TAFA2: variants seen among roughly 807,000 people sequenced by gnomAD.
TAFA2 encodes the protein TAFA chemokine like family member 2, also known as chemokine-like protein TAFA-2.
Under a neutral mutation model 18.8 loss-of-function variants are expected in TAFA2, and 7 were observed. That is an observed-to-expected ratio of 0.37 (90% confidence interval 0.21 to 0.70). TAFA2 has a LOEUF of 0.70. TAFA2 is among the 30% of genes least tolerant of loss of function. TAFA2 has a pLI of 0.53. For synonymous variants in TAFA2, 60 were observed against 54.2 expected (o/e 1.11, Z -0.47); for missense variants, 122 against 158.1 (o/e 0.77, Z 1.23).
chr12:62,027,167 T>C (rs1390165936), intron 1 of TAFA2, among the ~76,000 whole-genome samples: 1 of 152,178 alleles, frequency 6.6e-6, no homozygotes, highest in Non-Finnish European at 1.5e-5. Flanking sequence ...ATTTAAAATA[T>C]GTAAATGAAA....
chr12:61,844,528 T>C (rs1328098259), intron 2 of TAFA2, among the ~76,000 whole-genome samples: 2 of 152,134 alleles, frequency 1.3e-5, no homozygotes, highest in East Asian at 1.9e-4. Context: ...GTCTTAGTTA[T>C]TTAGGCTAAA....
rs566037239 is a variant in TAFA2 at position 61,812,803 on chromosome 12, C to T, written c.106+54517G>A. Among the ~76,000 whole-genome samples the T allele has an allele frequency of 1.5e-3, 229 of 151,288 alleles. 12 individuals are homozygous for T. Among genetic ancestry groups the T allele is most frequent in the African/African-American group, 5.0e-3 (205 of 40,652 alleles). ...CAGGCTGGTCTTGAACTGCTGACCT[C>T]AGGTGATCCACCCACCTCAGCCTCT... On this transcript the variant is annotated intron_variant, in intron 2 of 4. Coordinates refer to ENST00000416284, the MANE Select transcript of TAFA2 (RefSeq NM_178539.5).
At chr12:62,017,936 AG>A (rs1880994485) in intron 1 of TAFA2, among the ~76,000 whole-genome samples, 1 of 152,188 alleles carries the variant, frequency 6.6e-6, no homozygotes, top group Non-Finnish European at 1.5e-5. Flanking sequence ...ATAATGGGAA[AG>A]CTTCTTATTC....
intron 1 of TAFA2, among the ~76,000 whole-genome samples, chr12:61,891,273 G>GGCAGCAGAAGCAGGAGAAGCAGAA (rs1875621528): frequency 2.6e-5 from 4 of 152,138 alleles, no homozygotes; most frequent in African/African-American, 4.8e-5. Context: ...CAGAAGCAGA[G>GGCAGCAGAAGCAGGAGAAGCAGAA]GCAGCAGAAG....
chr12:62,193,853 T>C (rs927256800), upstream of TAFA2, among the ~76,000 whole-genome samples: 1 of 152,224 alleles, frequency 6.6e-6, no homozygotes, highest in African/African-American at 2.4e-5. Context: ...CAGTTCTATT[T>C]TAACTTGATA....
At chr12:61,949,917 A>G (rs1318744832) in intron 1 of TAFA2, among the ~76,000 whole-genome samples, 1 of 152,098 alleles carries the variant, frequency 6.6e-6, no homozygotes, top group Non-Finnish European at 1.5e-5. Flanking sequence ...AATCAACAAC[A>G]CCATTTTCCC....
chr12:61,803,508 A>G lies in TAFA2; in HGVS notation c.107-48484T>C, dbSNP rs568600107. ...ACTAAACAAGAAGTTTCTATGATTA[A>G]GAGCAATATACTACAACAATAATTG... On this transcript the variant is annotated intron_variant, in intron 2 of 4. Coordinates refer to ENST00000416284, the MANE Select transcript of TAFA2 (RefSeq NM_178539.5). Among the ~76,000 whole-genome samples the G allele has an allele frequency of 1.4e-3, 212 of 152,036 alleles. No homozygotes were observed. The Middle Eastern group carries it at 0.017, about 12-fold the overall frequency.
intron 1 of TAFA2, 52 bp from the exon 2 acceptor site, chr12:61,867,478 C>T: frequency 2.7e-6 from 3 of 1,124,592 alleles, no homozygotes; most frequent in South Asian, 2.6e-5. Context: ...CATAGCTTTT[C>T]CCTTATGATT....
chr12:61,817,687 T>C (rs931351222), intron 2 of TAFA2, among the ~76,000 whole-genome samples: 4 of 152,172 alleles, frequency 2.6e-5, no homozygotes, highest in Non-Finnish European at 5.9e-5. Context: ...TGATGCAGAT[T>C]AGTGCTGCAC....
At chr12:61,852,347 G>C (rs1387786589) in intron 2 of TAFA2, among the ~76,000 whole-genome samples, 1 of 152,186 alleles carries the variant, frequency 6.6e-6, no homozygotes, top group African/African-American at 2.4e-5. Flanking sequence ...AAAGGTGTCA[G>C]AGATGATCCC....
intron 1 of TAFA2, among the ~76,000 whole-genome samples, chr12:62,158,907 C>A (rs1411555427): frequency 6.6e-6 from 1 of 152,142 alleles, no homozygotes; most frequent in African/African-American, 2.4e-5. Flanking sequence ...GCATTCAATA[C>A]CTTCAACTAA....
chr12:62,063,740 C>T (rs1882412657), intron 1 of TAFA2, among the ~76,000 whole-genome samples: 1 of 151,968 alleles, frequency 6.6e-6, no homozygotes, highest in Non-Finnish European at 1.5e-5. Flanking sequence ...TACAAATTTC[C>T]TATAATCAAA....
intron 4 of TAFA2, among the ~76,000 whole-genome samples, chr12:61,711,543 A>G (rs1869409061): frequency 1.3e-5 from 2 of 152,090 alleles, no homozygotes; most frequent in Non-Finnish European, 2.9e-5. Context: ...AAACATTACA[A>G]AAGTCTGTTT....
chr12:61,915,186 G>T (rs1422834136), intron 1 of TAFA2, among the ~76,000 whole-genome samples: 2 of 152,062 alleles, frequency 1.3e-5, no homozygotes, highest in Non-Finnish European at 2.9e-5. Flanking sequence ...TAAAAGGAAA[G>T]AAAGTGATGT....
At chr12:61,838,509 G>A (rs577741208) in intron 2 of TAFA2, among the ~76,000 whole-genome samples, 6 of 152,104 alleles carry the variant, frequency 3.9e-5, no homozygotes, top group Admixed American at 2.0e-4. Context: ...CTTCGGGATG[G>A]AAAGAAAAAT....
At chr12:62,247,775 C>A (rs79497575) in intron 1 of TAFA2, among the ~76,000 whole-genome samples, 3,963 of 152,266 alleles carry the variant, frequency 0.026, 69 homozygotes, top group South Asian at 0.041. Context: ...TCCCAAAGAC[C>A]TATAATCAGG....
At chr12:61,917,065 T>A (rs971769901) in intron 1 of TAFA2, among the ~76,000 whole-genome samples, 7 of 152,012 alleles carry the variant, frequency 4.6e-5, no homozygotes, top group African/African-American at 1.7e-4. Flanking sequence ...CAGCCCCCAA[T>A]CCTGCCATTT....
intron 1 of TAFA2, among the ~76,000 whole-genome samples, chr12:62,106,032 T>C (rs764714142): frequency 2.0e-5 from 3 of 151,986 alleles, no homozygotes; most frequent in Admixed American, 6.6e-5. Context: ...TAAAAAGAAA[T>C]GTCATAAAGA....
In TAFA2 at chr12:61,955,732, T is replaced by A. The variant is rs190114376; in HGVS notation, c.-1-88306A>T. On this transcript the variant is annotated intron_variant, in intron 1 of 4. Transcript: ENST00000416284. ...AGTCACAAGGAGGGGTATGTTTTTTTAAAAAAATTGCAAAACTAGAACTCC... is the reference window on the plus strand; with the variant it reads ...AGTCACAAGGAGGGGTATGTTTTTTAAAAAAAATTGCAAAACTAGAACTCC... 4.5e-3 allele frequency among the ~76,000 whole-genome samples: 661 copies of A among 145,886 alleles called. 10 individuals are homozygous for A. The highest frequency in any genetic ancestry group is 4.6e-3 in the Non-Finnish European group (309 of 66,960).
Sources: allele counts gnomAD v4.1 joint callset (sites outside exome capture counted in the v4.1 genomes callset), GRCh38; gene constraint gnomAD v4.1.1; transcripts MANE v1.5; gene names NCBI Gene and HGNC (gene_info 2026-07-23, HGNC 2026-07-21).